The following PAK5 variants were observed in gnomAD, a reference collection of about 807,000 sequenced individuals.
The protein encoded by PAK5 is serine/threonine-protein kinase PAK 5.
Under a neutral mutation model 65.9 loss-of-function variants are expected in PAK5, and 16 were observed. That is an observed-to-expected ratio of 0.24 (90% CI 0.16 to 0.37). The LOEUF (loss-of-function observed/expected upper bound fraction) is 0.37, where lower values mean the gene tolerates loss of function less well. Among genes scored for constraint, PAK5 ranks in the 10% least tolerant of loss-of-function variants. The pLI, the probability that PAK5 is intolerant of heterozygous loss-of-function variation, is 1.00. For missense variants in PAK5, 785 were observed against 903.9 expected, an observed-to-expected ratio of 0.87 and a Z score of 1.69; for synonymous variants, 371 against 354.9, an observed-to-expected ratio of 1.05 and a Z score of -0.51.
intron 3 of PAK5, among the ~76,000 whole-genome samples, chr20:9,621,092 C>T (rs566279681): frequency 6.6e-6 from 1 of 151,988 alleles, no homozygotes; most frequent in Non-Finnish European, 1.5e-5. Context: ...TCTGTTGATT[C>T]AAGCACGACA....
intron 1 of PAK5, among the ~76,000 whole-genome samples, chr20:9,737,409 T>G (rs1451074611): frequency 6.6e-6 from 1 of 152,148 alleles, no homozygotes; most frequent in Non-Finnish European, 1.5e-5. Flanking sequence ...ATAAATTTCA[T>G]AACAATAAAA....
At chr20:9,705,747 C>G (rs775838190) in intron 2 of PAK5, among the ~76,000 whole-genome samples, 8 of 152,044 alleles carry the variant, frequency 5.3e-5, no homozygotes, top group African/African-American at 7.2e-5. Context: ...AATGATCATA[C>G]TACCATTTTT....
intron 1 of PAK5, among the ~76,000 whole-genome samples, chr20:9,743,197 G>A (rs975738088): frequency 2.0e-5 from 3 of 151,954 alleles, no homozygotes; most frequent in South Asian, 4.2e-4. Context: ...GGGAGACATC[G>A]ACTCTACGAA....
intron 3 of PAK5, among the ~76,000 whole-genome samples, chr20:9,597,169 T>C (rs73895920): frequency 0.057 from 8,638 of 152,262 alleles, 759 homozygotes; most frequent in African/African-American, 0.19. Context: ...CAAATCACTT[T>C]CCCTTGCTGG....
chr20:9,659,705 T>A (rs1403874808), intron 2 of PAK5, among the ~76,000 whole-genome samples: 1 of 152,184 alleles, frequency 6.6e-6, no homozygotes, highest in African/African-American at 2.4e-5. Flanking sequence ...AAAGTTGTAG[T>A]ACAATTTTAG....
rs1002259846 is a variant in PAK5 at position 9,622,421 on chromosome 20, A to G, written c.204+21704T>C. ...GGTAGGTACCCTAGTGGACATTTAC[A>G]TGATCACAGAAAGTTCTACGGAATA... On this transcript the variant is annotated intron_variant, in intron 3 of 9. Transcript: ENST00000353224. 2.0e-5 allele frequency among the ~76,000 whole-genome samples: 3 copies of G among 152,346 alleles called. No individual in the cohort carries two copies. In the East Asian group the frequency reaches 5.8e-4, roughly 29 times the overall value.
intron 1 of PAK5, among the ~76,000 whole-genome samples, chr20:9,728,021 T>C (rs1379841865): frequency 1.3e-5 from 2 of 151,020 alleles, no homozygotes; most frequent in East Asian, 1.9e-4. Flanking sequence ...TTTGAGTGTA[T>C]GTGTCCCCCC....
intron 1 of PAK5, among the ~76,000 whole-genome samples, chr20:9,781,813 T>C (rs2123699553): frequency 6.6e-6 from 1 of 152,190 alleles, no homozygotes; most frequent in Middle Eastern, 3.4e-3. Flanking sequence ...TCTCACTTCC[T>C]CCACTGTTAA....
chr20:9,757,047 A>G (rs909739449), intron 1 of PAK5, among the ~76,000 whole-genome samples: 9 of 152,160 alleles, frequency 5.9e-5, no homozygotes, highest in Non-Finnish European at 1.3e-4. Context: ...AGCAGGATTG[A>G]GCACCAGTTG....
intron 1 of PAK5, among the ~76,000 whole-genome samples, chr20:9,788,581 C>G (rs1162521332): frequency 1.0e-5 from 1 of 97,124 alleles, no homozygotes; most frequent in Admixed American, 1.2e-4. Context: ...CAGAGATACA[C>G]CTGGTTATCA....
intron 1 of PAK5, among the ~76,000 whole-genome samples, chr20:9,787,983 T>TGGGG (rs5840335): frequency 3.3e-5 from 5 of 150,704 alleles, no homozygotes; most frequent in African/African-American, 1.2e-4. Context: ...CTGTGTGTGT[T>TGGGG]GGGGGGGGTA....
At chr20:9,593,031 G>A (rs111848792) in intron 3 of PAK5, among the ~76,000 whole-genome samples, 86 of 152,252 alleles carry the variant, frequency 5.6e-4, no homozygotes, top group Middle Eastern at 3.4e-3. Flanking sequence ...TGGGCACGGT[G>A]GCTCAAACCT....
intron 1 of PAK5, among the ~76,000 whole-genome samples, chr20:9,826,075 T>C (rs914136662): frequency 1.3e-5 from 2 of 152,204 alleles, no homozygotes; most frequent in Admixed American, 6.5e-5. Context: ...AAGGCAGCTG[T>C]TACTCAGCTA....
At chr20:9,619,602 G>A (rs1294987903) in intron 3 of PAK5, among the ~76,000 whole-genome samples, 1 of 152,176 alleles carries the variant, frequency 6.6e-6, no homozygotes, top group East Asian at 1.9e-4. Context: ...TGAGGAGCTC[G>A]CCTTTCCAAG....
At chr20:9,573,940 TG>T (rs2045839317) in intron 4 of PAK5, among the ~76,000 whole-genome samples, 1 of 152,192 alleles carries the variant, frequency 6.6e-6, no homozygotes, top group Non-Finnish European at 1.5e-5. Flanking sequence ...AACGCCAGGC[TG>T]GGTGCTGCTT....
chr20:9,565,771 C>T (rs2045665190), intron 5 of PAK5, 122 bp downstream of exon 5: 1 of 976,902 alleles, frequency 1.0e-6, no homozygotes. Flanking sequence ...ACAGGGGACG[C>T]TATTTTTGTC....
At chr20:9,570,312 T>G (rs1171443738) in intron 4 of PAK5, among the ~76,000 whole-genome samples, 1 of 152,216 alleles carries the variant, frequency 6.6e-6, no homozygotes, top group Non-Finnish European at 1.5e-5. Flanking sequence ...ACAATGCCCC[T>G]GTGGTATATA....
intron 2 of PAK5, among the ~76,000 whole-genome samples, chr20:9,685,647 GT>G (rs1039951744): frequency 2.0e-5 from 3 of 152,148 alleles, no homozygotes; most frequent in African/African-American, 7.2e-5. Context: ...TGTTGTTTAA[GT>G]CACCCAGTTT....
chr20:9,597,933 G>T (rs1422330864), intron 3 of PAK5, among the ~76,000 whole-genome samples: 1 of 152,214 alleles, frequency 6.6e-6, no homozygotes, highest in East Asian at 1.9e-4. Context: ...TTGCTGAATT[G>T]TGAGGAACAA....
Sources: gnomAD v4.1 joint callset for allele counts (sites outside exome capture counted in the v4.1 genomes callset) on GRCh38, gnomAD v4.1.1 for gene constraint, MANE v1.5 for transcripts, NCBI Gene and HGNC (gene_info 2026-07-23, HGNC 2026-07-21) for gene names.